Variants in GPC6 observed in about 807,000 individuals in gnomAD.
GPC6 encodes glypican-6.
GPC6 carries 14 observed loss-of-function variants against 55.2 expected under a neutral mutation model. That is an observed-to-expected ratio of 0.25 (90% CI 0.17 to 0.40). The LOEUF (loss-of-function observed/expected upper bound fraction) is 0.40, where lower values mean the gene tolerates loss of function less well. GPC6 is among the 10% of genes least tolerant of loss of function. The probability of loss-of-function intolerance (pLI) is 1.00; values close to 1 mark genes in which losing one functional copy is unlikely to be tolerated. For synonymous variants in GPC6, 278 were observed against 259.6 expected (o/e 1.07, Z -0.68); for missense variants, 641 against 708.5 (o/e 0.90, Z 1.08).
At chr13:94,022,312 A>G (rs1446609032) in intron 3 of GPC6, among the ~76,000 whole-genome samples, 3 of 151,982 alleles carry the variant, frequency 2.0e-5, no homozygotes, top group African/African-American at 7.2e-5. Flanking sequence ...TTTTCCCCAG[A>G]TGCCACAAAT....
At chr13:94,355,349 G>A (rs755357282) in intron 6 of GPC6, among the ~76,000 whole-genome samples, 26 of 152,154 alleles carry the variant, frequency 1.7e-4, no homozygotes, top group Middle Eastern at 6.8e-3. Flanking sequence ...TTCGGCCATC[G>A]TCCTCCAGGG....
chr13:94,316,265 C>G (rs927234285), intron 6 of GPC6, among the ~76,000 whole-genome samples: 5 of 152,072 alleles, frequency 3.3e-5, no homozygotes, highest in Non-Finnish European at 5.9e-5. Flanking sequence ...CTTTTTCGGT[C>G]AGGCTGATTT....
chr13:93,321,802 G>A (rs1879445787), intron 1 of GPC6, among the ~76,000 whole-genome samples: 1 of 152,090 alleles, frequency 6.6e-6, no homozygotes, highest in African/African-American at 2.4e-5. Context: ...AATACAAGTT[G>A]CCCCTGATCT....
chr13:93,301,128 G>A (rs888952480), intron 1 of GPC6, among the ~76,000 whole-genome samples: 3 of 152,120 alleles, frequency 2.0e-5, no homozygotes, highest in East Asian at 1.9e-4. Flanking sequence ...ACTCATTTAC[G>A]CATTCATTGA....
intron 1 of GPC6, among the ~76,000 whole-genome samples, chr13:93,476,328 A>G (rs1879301701): frequency 6.6e-6 from 1 of 151,996 alleles, no homozygotes; most frequent in East Asian, 1.9e-4. Flanking sequence ...GCGCAACTAA[A>G]TAATATAAAC....
At chr13:94,019,370 C>T (rs1345096633) in intron 3 of GPC6, among the ~76,000 whole-genome samples, 1 of 152,060 alleles carries the variant, frequency 6.6e-6, no homozygotes. Context: ...AACTGAGTGG[C>T]TGAAAACAAC....
At chr13:93,364,691 A>T (rs1881176783) in intron 1 of GPC6, among the ~76,000 whole-genome samples, 1 of 141,360 alleles carries the variant, frequency 7.1e-6, no homozygotes, top group African/African-American at 2.8e-5. Context: ...GTGTGTATAT[A>T]TATATACACA....
At chr13:94,164,876 C>G (rs1888296788) in intron 4 of GPC6, among the ~76,000 whole-genome samples, 1 of 151,866 alleles carries the variant, frequency 6.6e-6, no homozygotes, top group Non-Finnish European at 1.5e-5. Flanking sequence ...TTTAATAATT[C>G]TATTTTAATA....
intron 3 of GPC6, among the ~76,000 whole-genome samples, chr13:93,987,959 T>C (rs1881110767): frequency 6.6e-6 from 1 of 152,124 alleles, no homozygotes. Context: ...CCTGCTCCCT[T>C]GCCTAACCTG....
intron 1 of GPC6, among the ~76,000 whole-genome samples, chr13:93,368,870 G>C (rs1881355382): frequency 6.6e-6 from 1 of 152,082 alleles, no homozygotes; most frequent in African/African-American, 2.4e-5. Flanking sequence ...TTATGGGACA[G>C]GTTTGCAGAC....
intron 3 of GPC6, among the ~76,000 whole-genome samples, chr13:93,883,065 A>G (rs1222689866): frequency 6.6e-6 from 1 of 151,204 alleles, no homozygotes; most frequent in Non-Finnish European, 1.5e-5. Flanking sequence ...TCCCCAGAGA[A>G]TTTTGTAAAA....
intron 2 of GPC6, among the ~76,000 whole-genome samples, chr13:93,643,245 T>A (rs1329287847): frequency 6.6e-6 from 1 of 152,156 alleles, no homozygotes; most frequent in Non-Finnish European, 1.5e-5. Context: ...AGCATATTCA[T>A]GATTTAACAG....
chr13:94,155,862 G>C (rs980491932), intron 4 of GPC6, among the ~76,000 whole-genome samples: 2 of 152,106 alleles, frequency 1.3e-5, no homozygotes, highest in Admixed American at 1.3e-4. Context: ...AGTGCATGTT[G>C]CCTGCACAGG....
intron 1 of GPC6, among the ~76,000 whole-genome samples, chr13:93,404,165 A>G (rs752031517): frequency 5.9e-5 from 9 of 152,144 alleles, no homozygotes; most frequent in Non-Finnish European, 8.8e-5. Context: ...CTTTATTTTC[A>G]TTTTTGAATA....
At chr13:93,793,596 C>G (rs551864141) in intron 2 of GPC6, among the ~76,000 whole-genome samples, 1 of 152,128 alleles carries the variant, frequency 6.6e-6, no homozygotes, top group South Asian at 2.1e-4. Flanking sequence ...ATATTAATAT[C>G]TTATGTTAAT....
intron 1 of GPC6, among the ~76,000 whole-genome samples, chr13:93,468,286 A>G (rs566399783): frequency 6.6e-6 from 1 of 152,244 alleles, no homozygotes; most frequent in East Asian, 1.9e-4. Flanking sequence ...GATATTCCAC[A>G]GATTAGTTCA....
At chr13:94,312,696 G>A (rs1395256253) in intron 6 of GPC6, among the ~76,000 whole-genome samples, 2 of 147,420 alleles carry the variant, frequency 1.4e-5, no homozygotes, top group Non-Finnish European at 1.5e-5. Context: ...AGACACACAC[G>A]AAGACACACA....
intron 1 of GPC6, among the ~76,000 whole-genome samples, chr13:93,306,890 C>T (rs903797887): frequency 3.3e-5 from 5 of 151,986 alleles, no homozygotes; most frequent in Non-Finnish European, 5.9e-5. Flanking sequence ...ACGCATGTCC[C>T]CTAGCAAACT....
chr13:94,166,193 T>A (rs978788857), intron 4 of GPC6, among the ~76,000 whole-genome samples: 3 of 152,188 alleles, frequency 2.0e-5, no homozygotes, highest in African/African-American at 7.2e-5. Context: ...AACTTTGTGA[T>A]TTCACACTTC....
Sources: gnomAD v4.1 joint callset for allele counts (sites outside exome capture counted in the v4.1 genomes callset) on GRCh38, gnomAD v4.1.1 for gene constraint, MANE v1.5 for transcripts, NCBI Gene and HGNC (gene_info 2026-07-23, HGNC 2026-07-21) for gene names.